The following STAG1 variants were observed in gnomAD, a reference collection of about 807,000 sequenced individuals.
STAG1 encodes STAG1 cohesin complex component, also known as cohesin subunit SA-1.
In STAG1, 26 loss-of-function variants were observed where a neutral mutation model predicts 170.9. The ratio of observed to expected loss-of-function variants is 0.15; its 90% CI spans 0.11 to 0.21. The LOEUF (loss-of-function observed/expected upper bound fraction) is 0.21, where lower values mean the gene tolerates loss of function less well. Among genes scored for constraint, STAG1 ranks in the 10% least tolerant of loss-of-function variants. The pLI is 1.00. For synonymous variants in STAG1, 514 were observed against 497.7 expected, an observed-to-expected ratio of 1.03 and a Z score of -0.44; for missense variants, 964 against 1,509.5, an observed-to-expected ratio of 0.64 and a Z score of 5.99.
intron 28 of STAG1, among the ~76,000 whole-genome samples, chr3:136,355,829 A>G (rs1462020668): frequency 1.3e-5 from 2 of 152,226 alleles, no homozygotes; most frequent in Admixed American, 6.5e-5. Flanking sequence ...TGAATAACCA[A>G]TAGGTTAAAG....
chr3:136,425,385 A>G (rs1164242391), intron 16 of STAG1, among the ~76,000 whole-genome samples: 1 of 152,166 alleles, frequency 6.6e-6, no homozygotes, highest in Non-Finnish European at 1.5e-5. Flanking sequence ...AAATATGAAT[A>G]TATATATCTG....
rs560577378 is a variant in STAG1 at position 136,446,731 on chromosome 3, TTC to T, written c.1429-3329_1429-3328del. Among the ~76,000 whole-genome samples, 706 of 149,240 alleles carry T rather than the reference TTC, an allele frequency of 4.7e-3. 3 individuals carry two copies. Among genetic ancestry groups the T allele is most frequent in the Middle Eastern group, 0.019 (5 of 266 alleles). On this transcript the variant is annotated intron_variant, in intron 14 of 33. Coordinates refer to ENST00000383202, the MANE Select transcript of STAG1 (RefSeq NM_005862.3). ...AGTCACAGTGCCTGGCCTCCCTTGT[TTC>T]TGTTCTCCTACACAGCTCCTACTAC...
chr3:136,706,434 C>T (rs1203245325), intron 1 of STAG1, among the ~76,000 whole-genome samples: 3 of 152,062 alleles, frequency 2.0e-5, no homozygotes, highest in African/African-American at 4.8e-5. Context: ...TGTGTTCCTA[C>T]ACATAATAAT....
chr3:136,358,627 G>A (rs1290879918), intron 27 of STAG1, among the ~76,000 whole-genome samples: 1 of 151,962 alleles, frequency 6.6e-6, no homozygotes, highest in African/African-American at 2.4e-5. Flanking sequence ...CAGGCTGGAG[G>A]GCAGTGGTAC....
At chr3:136,725,816 A>C (rs1486182247) in intron 1 of STAG1, among the ~76,000 whole-genome samples, 1 of 152,216 alleles carries the variant, frequency 6.6e-6, no homozygotes, top group Non-Finnish European at 1.5e-5. Context: ...TATTAATAGC[A>C]ACTCAAATTC....
At chr3:136,587,721 A>G (rs1937911861) in intron 4 of STAG1, among the ~76,000 whole-genome samples, 1 of 152,064 alleles carries the variant, frequency 6.6e-6, no homozygotes, top group Non-Finnish European at 1.5e-5. Context: ...TTGGGAGGCC[A>G]AGGTGGGTAG....
intron 9 of STAG1, chr3:136,499,689 A>G (rs1239339673): frequency 1.3e-5 from 2 of 152,318 alleles, no homozygotes; most frequent in East Asian, 3.8e-4. Flanking sequence ...TTAGCAATGG[A>G]GGATAACAAA....
intron 12 of STAG1, among the ~76,000 whole-genome samples, chr3:136,466,117 G>C (rs1029631026): frequency 1.3e-5 from 2 of 152,114 alleles, no homozygotes; most frequent in South Asian, 2.1e-4. Flanking sequence ...CAAAGAAACA[G>C]AGCTCCTCAC....
intron 1 of STAG1, among the ~76,000 whole-genome samples, chr3:136,714,967 T>TAA (rs1491175333): frequency 9.4e-6 from 1 of 106,256 alleles, no homozygotes; most frequent in African/African-American, 3.2e-5. Flanking sequence ...ATATATATTT[T>TAA]ATATATATAT....
At chr3:136,599,428 G>A (rs759920324) in intron 4 of STAG1, among the ~76,000 whole-genome samples, 5 of 152,166 alleles carry the variant, frequency 3.3e-5, no homozygotes, top group Non-Finnish European at 5.9e-5. Context: ...CTACTTGGGA[G>A]GCTGAAGCAG....
chr3:136,466,990 G>C (rs970461201), intron 12 of STAG1, among the ~76,000 whole-genome samples: 1 of 152,124 alleles, frequency 6.6e-6, no homozygotes, highest in Admixed American at 6.6e-5. Flanking sequence ...CCCTACAAGA[G>C]CTCCTGAAGG....
At chr3:136,377,635 A>G (rs770675059) in intron 23 of STAG1, 25 bp downstream of exon 23, 3 of 1,575,002 alleles carry the variant, frequency 1.9e-6, no homozygotes, top group South Asian at 2.2e-5. Flanking sequence ...GATTTTATTG[A>G]GAGCTCTTAC....
chr3:136,538,886 G>A (rs1935766076), intron 6 of STAG1, among the ~76,000 whole-genome samples: 1 of 152,116 alleles, frequency 6.6e-6, no homozygotes, highest in Admixed American at 6.5e-5. Flanking sequence ...TGTAATCCCA[G>A]CACTTTGGGA....
At chr3:136,638,130 C>CTTTT (rs34896224) in intron 1 of STAG1, among the ~76,000 whole-genome samples, 9 of 142,386 alleles carry the variant, frequency 6.3e-5, no homozygotes, top group Non-Finnish European at 1.1e-4. Flanking sequence ...GCTGCATTTT[C>CTTTT]TTTTTTTTTT....
At chr3:136,453,618 G>A (rs893021879) in intron 13 of STAG1, among the ~76,000 whole-genome samples, 5 of 151,472 alleles carry the variant, frequency 3.3e-5, no homozygotes, top group Admixed American at 6.6e-5. Flanking sequence ...ATTGCTAAAG[G>A]TATCTTATTT....
At chr3:136,404,989 G>T (rs1192993258) in intron 21 of STAG1, among the ~76,000 whole-genome samples, 1 of 151,746 alleles carries the variant, frequency 6.6e-6, no homozygotes, top group African/African-American at 2.4e-5. Context: ...TTTTCTGTTG[G>T]CAAGAGACCT....
At chr3:136,528,427 T>C (rs965206095) in intron 6 of STAG1, among the ~76,000 whole-genome samples, 1 of 148,948 alleles carries the variant, frequency 6.7e-6, no homozygotes, top group African/African-American at 2.5e-5. Context: ...ACAGGAAACA[T>C]GAAAAAGCAA....
At chr3:136,514,871 T>C (rs946435838) in intron 7 of STAG1, among the ~76,000 whole-genome samples, 4 of 151,928 alleles carry the variant, frequency 2.6e-5, no homozygotes, top group East Asian at 1.9e-4. Flanking sequence ...CTGAGAACAC[T>C]TGGACACAGG....
intron 1 of STAG1, among the ~76,000 whole-genome samples, chr3:136,716,701 T>C (rs868128679): frequency 3.9e-4 from 60 of 152,236 alleles, no homozygotes; most frequent in African/African-American, 1.4e-3. Flanking sequence ...CCAATCCAAT[T>C]ATCAAAGTAA....
Sources: allele counts gnomAD v4.1 joint callset (sites outside exome capture counted in the v4.1 genomes callset), GRCh38; gene constraint gnomAD v4.1.1; transcripts MANE v1.5; gene names NCBI Gene and HGNC (gene_info 2026-07-23, HGNC 2026-07-21).